LAMB4: variants seen among roughly 807,000 people sequenced by gnomAD.
The protein encoded by LAMB4 is laminin subunit beta 4.
Under a neutral mutation model 199.2 loss-of-function variants are expected in LAMB4, and 196 were observed. The ratio of observed to expected loss-of-function variants is 0.98; its 90% CI spans 0.88 to 1.11. LAMB4 has a LOEUF of 1.11. Ranked by LOEUF, LAMB4 falls within the 50% of genes least tolerant of loss-of-function variation. LAMB4 has a pLI of 0.00. For synonymous variants in LAMB4, 744 were observed against 770.6 expected (o/e 0.97, Z 0.57); for missense variants, 2,080 against 2,171.2 (o/e 0.96, Z 0.83).
At chr7:108,063,619 G>A (rs547441813) in intron 22 of LAMB4, 142 bp downstream of exon 22, 47 of 744,122 alleles carry the variant, frequency 6.3e-5, no homozygotes, top group African/African-American at 5.5e-4. Flanking sequence ...GATGAGTTCC[G>A]TACAACAGCC....
At position 108,036,019 on chromosome 7, in the gene LAMB4, G is replaced by A. The variant is rs183533428; in HGVS notation, c.4679+1369C>T. Among the ~76,000 whole-genome samples the A allele has an allele frequency of 1.9e-3, 280 of 150,840 alleles. 1 individual carries two copies. Among genetic ancestry groups the A allele is most frequent in the African/African-American group, 6.6e-3 (271 of 41,102 alleles). ...GATTACAGGTGCATGCCACCACACC[G>A]GCTAATTTTTGTATTTTTAGTAGAG... On this transcript the variant is annotated intron_variant, in intron 30 of 33. Coordinates refer to ENST00000388781, the MANE Select transcript of LAMB4 (RefSeq NM_007356.3).
rs138693987 is a variant in LAMB4, at chr7:108,098,568, G to C, written c.1195C>G (p.Pro399Ala). 5 of 1,599,138 alleles carry C rather than the reference G, an allele frequency of 3.1e-6. No homozygotes were observed. The African/African-American group carries it at 6.7e-5, about 21-fold the overall frequency. Residue 399 changes from proline (P) to alanine (A), a missense_variant, in exon 11 of 34, where the codon CCC becomes GCC. Coordinates refer to ENST00000388781, the MANE Select transcript of LAMB4 (RefSeq NM_007356.3). ...ATGCCACCAGATATGGTCCCATCGG[G>C]GTCACATTCACAAGCTGGGGACACA... ...PYACIPCECD[P>A]DGTISGGICV...
chr7:108,048,525 T>C (rs916758901), intron 27 of LAMB4, among the ~76,000 whole-genome samples: 1 of 152,182 alleles, frequency 6.6e-6, no homozygotes, highest in Non-Finnish European at 1.5e-5. Flanking sequence ...GTTTCTTCAA[T>C]AGTTGTTCAT....
chr7:108,031,829 C>T (rs981842599), intron 31 of LAMB4, among the ~76,000 whole-genome samples: 4 of 152,084 alleles, frequency 2.6e-5, no homozygotes, highest in African/African-American at 4.8e-5. Flanking sequence ...CTAATTTTTT[C>T]CCCTTACAAA....
chr7:108,093,968 G>A (rs1282147287), intron 12 of LAMB4, among the ~76,000 whole-genome samples: 1 of 152,218 alleles, frequency 6.6e-6, no homozygotes, highest in Admixed American at 6.5e-5. Flanking sequence ...CCCACAGGAT[G>A]TGGTTGTGAA....
rs57814646 is a variant in LAMB4, at chr7:108,059,097, CT to C, written c.3283-1170del. On this transcript the variant is annotated intron_variant, in intron 23 of 33. Coordinates refer to ENST00000388781, the MANE Select transcript of LAMB4 (RefSeq NM_007356.3). ...TCTTATACCGAAGTACAATCTGCCA[CT>C]TTTTTTTTTTTTTTTTTTTTTTTTT... Among the ~76,000 whole-genome samples, 959 of 107,746 alleles carry C rather than the reference CT, an allele frequency of 8.9e-3. 3 individuals are homozygous for C. Among genetic ancestry groups the C allele is most frequent in the African/African-American group, 0.027 (753 of 27,784 alleles). 70.7% of individuals were successfully genotyped at this position (107,746 alleles called of 152,430 possible).
At chr7:108,022,468 C>A (rs910313233), downstream of LAMB4, among the ~76,000 whole-genome samples, 1 of 152,190 alleles carries the variant, frequency 6.6e-6, no homozygotes, top group Non-Finnish European at 1.5e-5. Flanking sequence ...TGTAAAGAGA[C>A]ACTGTTTCAC....
intron 13 of LAMB4, among the ~76,000 whole-genome samples, 186 bp downstream of exon 13, chr7:108,092,150 CA>C (rs1442787053): frequency 6.6e-6 from 1 of 152,110 alleles, no homozygotes; most frequent in African/African-American, 2.4e-5. Flanking sequence ...GGATACCCAG[CA>C]GAAGGATTGT....
intron 28 of LAMB4, among the ~76,000 whole-genome samples, chr7:108,047,010 T>C (rs966377550): frequency 1.3e-5 from 2 of 151,908 alleles, no homozygotes; most frequent in Non-Finnish European, 2.9e-5. Flanking sequence ...CAAGGGATCC[T>C]CCTGCCTTGG....
chr7:108,109,177 G>T lies in LAMB4; in HGVS notation c.396C>A (p.Thr132=). The change falls in exon 5 of 34, where the codon ACC becomes ACA. Residue 132 remains threonine, a synonymous_variant. Transcript: ENST00000388781. ...CAGGCCTATTAGTCTGTACCTTAAA[G>T]GTCAGGATAAGGTGGCTGAACCGAA... ...ALFRFSHLIL[T]FKTFRPAAML... is the part of the protein sequence containing the mutation. The T allele has an allele frequency of 1.2e-6, 2 of 1,607,814 alleles. No homozygotes were observed. Among genetic ancestry groups the T allele is most frequent in the Non-Finnish European group, 1.7e-6 (2 of 1,174,466 alleles).
At chr7:108,063,682 G>A (rs907106942) in intron 22 of LAMB4, 79 bp downstream of exon 22, 27 of 1,269,680 alleles carry the variant, frequency 2.1e-5, no homozygotes, top group Non-Finnish European at 3.1e-5. Flanking sequence ...TAACTGAAAT[G>A]ATCATGGGAG....
intron 28 of LAMB4, among the ~76,000 whole-genome samples, chr7:108,044,955 C>CAAAAAAAAAAAAAAAAAAAAAA (rs756256335): frequency 1.8e-5 from 1 of 56,542 alleles, no homozygotes; most frequent in African/African-American, 7.7e-5. Context: ...ATTCTTGTCT[C>CAAAAAAAAAAAAAAAAAAAAAA]AAAAAAAAAA....
chr7:108,130,021 A>G (rs1260715543), intron 1 of LAMB4, among the ~76,000 whole-genome samples: 1 of 152,220 alleles, frequency 6.6e-6, no homozygotes, highest in Non-Finnish European at 1.5e-5. Flanking sequence ...TGTACATTTC[A>G]ACACTACATC....
chr7:108,122,481 T>C (rs1036154943), intron 2 of LAMB4, among the ~76,000 whole-genome samples: 2 of 152,110 alleles, frequency 1.3e-5, no homozygotes, highest in African/African-American at 2.4e-5. Context: ...TACCTCAGGG[T>C]TGGAAAATTG....
chr7:108,026,516 T>C (rs904069831), intron 33 of LAMB4: 8 of 171,536 alleles, frequency 4.7e-5, no homozygotes, highest in Admixed American at 3.4e-4. Context: ...GTGAGACCTG[T>C]CGAAGAACCA....
chr7:108,036,620 GC>G (rs1049673216), intron 30 of LAMB4, among the ~76,000 whole-genome samples: 2 of 152,062 alleles, frequency 1.3e-5, no homozygotes, highest in African/African-American at 2.4e-5. Context: ...AGTGACAATG[GC>G]TCAGATCTCA....
At chr7:108,070,801 AC>A (rs2150563022) in intron 17 of LAMB4, among the ~76,000 whole-genome samples, 1 of 152,156 alleles carries the variant, frequency 6.6e-6, no homozygotes, top group African/African-American at 2.4e-5. Flanking sequence ...GGGTGTTGAC[AC>A]CCCTAACCCC....
intron 29 of LAMB4, among the ~76,000 whole-genome samples, chr7:108,041,528 A>G (rs1392135165): frequency 6.6e-6 from 1 of 152,202 alleles, no homozygotes; most frequent in East Asian, 1.9e-4. Context: ...GGATAAAGAA[A>G]ATGTTGTACA....
At chr7:108,039,890 A>G (rs1233804161) in intron 29 of LAMB4, among the ~76,000 whole-genome samples, 1 of 152,216 alleles carries the variant, frequency 6.6e-6, no homozygotes, top group African/African-American at 2.4e-5. Flanking sequence ...CTCCTGTTCA[A>G]CATAGTATTG....
Sources: gnomAD v4.1 joint callset for allele counts (sites outside exome capture counted in the v4.1 genomes callset) on GRCh38, gnomAD v4.1.1 for gene constraint, MANE v1.5 for transcripts, NCBI Gene and HGNC (gene_info 2026-07-23, HGNC 2026-07-21) for gene names.